The following TUBB8 variants were observed in gnomAD, a reference collection of about 807,000 sequenced individuals.
The protein encoded by TUBB8 is tubulin beta 8 class VIII, also known as tubulin beta-8 chain.
TUBB8 carries 25 observed loss-of-function variants against 33.7 expected under a neutral mutation model. That is an observed-to-expected ratio of 0.74 (90% CI 0.54 to 1.04). The LOEUF (loss-of-function observed/expected upper bound fraction) is 1.04, where lower values mean the gene tolerates loss of function less well. Among genes scored for constraint, TUBB8 ranks in the 50% least tolerant of loss-of-function variants. The probability of loss-of-function intolerance (pLI) is 0.00; values close to 1 mark genes in which losing one functional copy is unlikely to be tolerated. For synonymous variants in TUBB8, 245 were observed against 240.1 expected, an observed-to-expected ratio of 1.02 and a Z score of -0.19; for missense variants, 279 against 608.0, an observed-to-expected ratio of 0.46 and a Z score of 5.69.
At chr10:72,975 A>AG (rs148428860) in intron 1 of TUBB8, among the ~76,000 whole-genome samples, 17,614 of 151,604 alleles carry the variant, frequency 0.12, 2,314 homozygotes, top group African/African-American at 0.33. Context: ...CTGAAGGCCA[A>AG]GGGAAAAAAA....
In TUBB8 at chr10:49,134, G is replaced by A. The variant is rs6560828; in HGVS notation, c.57+48C>T. On this transcript the variant is annotated intron_variant, in intron 1 of 3. Transcript: ENST00000568584. ...CCCCGCCACTGCCAACACCTTCCCC[G>A]GCCACCCGGCAGGCCCGGGCTAGGC... The A allele has an allele frequency of 0.49, 753,916 of 1,536,754 alleles. 188,781 individuals are homozygous for A. Among genetic ancestry groups the A allele is most frequent in the African/African-American group, 0.59 (43,049 of 72,614 alleles).
At chr10:62,237 T>A (rs1834612306) in intron 1 of TUBB8, among the ~76,000 whole-genome samples, 1 of 152,238 alleles carries the variant, frequency 6.6e-6, no homozygotes, top group East Asian at 1.9e-4. Flanking sequence ...ATTTATTGCT[T>A]TTTACTTTTT....
chr10:71,202 C>A (rs1200621246), intron 1 of TUBB8, among the ~76,000 whole-genome samples: 4 of 150,416 alleles, frequency 2.7e-5, no homozygotes, highest in African/African-American at 9.9e-5. Flanking sequence ...GTAGTCCCAG[C>A]TACTTGGGAG....
At chr10:52,954 A>G (rs1834487049), upstream of TUBB8, among the ~76,000 whole-genome samples, 1 of 152,210 alleles carries the variant, frequency 6.6e-6, no homozygotes. Flanking sequence ...AATTTTGTGC[A>G]TTTTGTTTGA....
intron 1 of TUBB8, among the ~76,000 whole-genome samples, chr10:72,976 G>C (rs1431822239): frequency 8.3e-6 from 1 of 120,290 alleles, no homozygotes. Context: ...TGAAGGCCAA[G>C]GGAAAAAAAA....
chr10:75,703 C>A (rs1392942635), upstream of TUBB8, among the ~76,000 whole-genome samples: 1 of 150,808 alleles, frequency 6.6e-6, no homozygotes. Flanking sequence ...AGACAAAACT[C>A]AATTTATTTT....
intron 1 of TUBB8, among the ~76,000 whole-genome samples, chr10:71,239 C>G (rs1554742269): frequency 6.6e-6 from 1 of 151,886 alleles, no homozygotes; most frequent in Non-Finnish European, 1.5e-5. Context: ...CGCTTGAGTC[C>G]AGGAAAGGGA....
chr10:75,868 A>G (rs1834806438), upstream of TUBB8, among the ~76,000 whole-genome samples: 1 of 150,944 alleles, frequency 6.6e-6, no homozygotes, highest in Non-Finnish European at 1.5e-5. Context: ...GCCAGGCGAG[A>G]TGGCTCATGC....
chr10:48,779 G>A (rs782143478), intron 2 of TUBB8, 25 bp downstream of exon 2: 2 of 1,609,738 alleles, frequency 1.2e-6, no homozygotes, highest in Non-Finnish European at 8.5e-7. Flanking sequence ...CCAGGAGGGC[G>A]GTGGGGGAAG....
At chr10:67,223 C>T (rs1309151670) in intron 1 of TUBB8, among the ~76,000 whole-genome samples, 1 of 151,446 alleles carries the variant, frequency 6.6e-6, no homozygotes, top group Non-Finnish European at 1.5e-5. Flanking sequence ...ACAGGATCAG[C>T]CTGTTGATTT....
intron 1 of TUBB8, among the ~76,000 whole-genome samples, chr10:60,139 T>C (rs541232339): frequency 1.3e-5 from 2 of 152,320 alleles, no homozygotes; most frequent in South Asian, 4.1e-4. Flanking sequence ...TATTCTTTTC[T>C]TCTAATTTTG....
At chr10:69,334 C>CCT (rs1834708556) in intron 1 of TUBB8, among the ~76,000 whole-genome samples, 1 of 152,200 alleles carries the variant, frequency 6.6e-6, no homozygotes, top group Non-Finnish European at 1.5e-5. Flanking sequence ...ATGCATGTTC[C>CCT]CTCAAGCCAT....
chr10:53,801 T>C (rs1327683258), upstream of TUBB8, among the ~76,000 whole-genome samples: 7 of 152,296 alleles, frequency 4.6e-5, no homozygotes, highest in Non-Finnish European at 1.0e-4. Context: ...ACACCTCTTC[T>C]TGGATAAGGA....
chr10:76,560 G>A (rs1288044479), upstream of TUBB8, among the ~76,000 whole-genome samples: 3 of 152,142 alleles, frequency 2.0e-5, no homozygotes, highest in South Asian at 6.2e-4. Flanking sequence ...CCCCTCCGGG[G>A]TGGGTGCTGA....
chr10:71,551 T>C (rs1219907883), intron 1 of TUBB8, among the ~76,000 whole-genome samples: 1 of 135,418 alleles, frequency 7.4e-6, no homozygotes, highest in Non-Finnish European at 1.6e-5. Flanking sequence ...AACCCAGGAG[T>C]CAGAGGTTGC....
chr10:57,719 T>G (rs534508991), intron 1 of TUBB8, among the ~76,000 whole-genome samples: 23 of 152,338 alleles, frequency 1.5e-4, no homozygotes, highest in Middle Eastern at 3.4e-3. Flanking sequence ...TATTCTCTTC[T>G]TTTAGGCCTC....
upstream of TUBB8, chr10:49,721 C>T (rs1315790685): frequency 2.6e-6 from 1 of 385,142 alleles, no homozygotes; most frequent in Non-Finnish European, 5.1e-6. Flanking sequence ...CTCAATTATA[C>T]GTTTTACTTT....
At position 47,842 on chromosome 10, in the gene TUBB8, T is replaced by A. The variant is rs782588770; in HGVS notation, c.550A>T (p.Asn184Tyr). Residue 184 changes from asparagine to tyrosine, a missense_variant, in exon 4 of 4, where the codon AAC (asparagine) becomes TAC (tyrosine). Transcript: ENST00000568584. ...AGCTGGTGGACTGAGAGGGTGGCGT[T>A]GTAGGGCTCCACCACGGTGTCCGAC... ...KVSDTVVEPY[N>Y]ATLSVHQLIE... is the part of the protein sequence containing the mutation. 5 of 1,614,218 alleles carry A rather than the reference T, an allele frequency of 3.1e-6. No homozygotes were observed. The Admixed American group carries it at 8.3e-5, about 27-fold the overall frequency.
chr10:50,006 A>T (rs1375499888), upstream of TUBB8: 2 of 163,260 alleles, frequency 1.2e-5, no homozygotes, highest in African/African-American at 4.8e-5. Context: ...GGGGTGGGGA[A>T]TGCCTCGATC....
Sources: gnomAD v4.1 joint callset for allele counts (sites outside exome capture counted in the v4.1 genomes callset) on GRCh38, gnomAD v4.1.1 for gene constraint, MANE v1.5 for transcripts, NCBI Gene and HGNC (gene_info 2026-07-23, HGNC 2026-07-21) for gene names.